The following COL21A1 variants were observed in gnomAD, a reference collection of about 807,000 sequenced individuals.
The protein encoded by COL21A1 is collagen type XXI alpha 1 chain.
Under a neutral mutation model 137.9 loss-of-function variants are expected in COL21A1, and 149 were observed. The observed-to-expected ratio is 1.08, with a 90% CI of 0.95 to 1.24. COL21A1 has a LOEUF of 1.24. COL21A1 is among the 50% of genes most tolerant of loss of function. The pLI is 0.00. For synonymous variants in COL21A1, 456 were observed against 391.5 expected (o/e 1.16, Z -1.95); for missense variants, 1,167 against 1,158.4 (o/e 1.01, Z -0.11).
At chr6:56,097,822 CATATAAATAT>C (rs1769525469) in intron 17 of COL21A1, among the ~76,000 whole-genome samples, 1 of 40,482 alleles carries the variant, frequency 2.5e-5, no homozygotes, top group African/African-American at 1.0e-4. Flanking sequence ...TATATAAATA[CATATAAATAT>C]ATATAAATAT....
At chr6:56,073,452 A>G (rs1766937018) in intron 20 of COL21A1, among the ~76,000 whole-genome samples, 1 of 151,440 alleles carries the variant, frequency 6.6e-6, no homozygotes, top group Admixed American at 6.6e-5. Context: ...AGAGTAGGTC[A>G]TCTACTCATA....
chr6:56,198,275 C>T (rs2152295760), intron 1 of COL21A1, among the ~76,000 whole-genome samples: 1 of 152,112 alleles, frequency 6.6e-6, no homozygotes, highest in Non-Finnish European at 1.5e-5. Context: ...ATGATGAATA[C>T]ATTCTGGAGA....
In COL21A1 at chr6:56,168,187, T is replaced by C; in HGVS notation, c.1137A>G (p.Leu379=). 6.4e-7 allele frequency: 1 copy of C among 1,559,782 alleles called. No homozygotes were observed. The highest frequency in any genetic ancestry group is 8.7e-7 in the Non-Finnish European group (1 of 1,149,440). The change falls in exon 6 of 30, where the codon TTA becomes TTG. Residue 379 remains leucine (L), a synonymous_variant. Coordinates refer to ENST00000244728, the MANE Select transcript of COL21A1 (RefSeq NM_030820.4). ...GGGTTTGCCCATTGATCAAGATCCC[T>C]AAAACTGGATGTAAGGGCTTGTTTT... ...QIENKPLHPV[L]GILINGQTQI...
At chr6:56,101,365 A>C in intron 17 of COL21A1, 107 bp downstream of exon 17, 1 of 805,224 alleles carries the variant, frequency 1.2e-6, no homozygotes. Context: ...TCTGGAAGTC[A>C]CTGAACAAAT....
chr6:56,352,310 A>G (rs1023020270), intron 1 of COL21A1, among the ~76,000 whole-genome samples: 1 of 152,136 alleles, frequency 6.6e-6, no homozygotes, highest in Non-Finnish European at 1.5e-5. Context: ...TGTAGTCCAC[A>G]TAGTCGGTCT....
intron 1 of COL21A1, among the ~76,000 whole-genome samples, chr6:56,254,852 C>T (rs1245877605): frequency 6.6e-6 from 1 of 152,150 alleles, no homozygotes; most frequent in Non-Finnish European, 1.5e-5. Context: ...AGACATCCCA[C>T]AGTATGCTGC....
intron 3 of COL21A1, among the ~76,000 whole-genome samples, chr6:56,174,186 A>G (rs1438607327): frequency 6.6e-6 from 1 of 152,162 alleles, no homozygotes; most frequent in African/African-American, 2.4e-5. Context: ...CAGTACTAAG[A>G]GAGAAGTTTA....
chr6:56,094,333 C>T (rs756680224), intron 17 of COL21A1, among the ~76,000 whole-genome samples: 13 of 152,254 alleles, frequency 8.5e-5, no homozygotes, highest in Middle Eastern at 3.4e-3. Context: ...TTCCTCTTTC[C>T]TCCTTTATCA....
intron 16 of COL21A1, among the ~76,000 whole-genome samples, chr6:56,107,717 A>G (rs1771074329): frequency 6.6e-6 from 1 of 152,118 alleles, no homozygotes. Context: ...AAAGTGTAGA[A>G]AAACATACTA....
chr6:56,289,413 C>T (rs4596476), intron 1 of COL21A1, among the ~76,000 whole-genome samples: 21,818 of 152,110 alleles, frequency 0.14, 3,780 homozygotes, highest in African/African-American at 0.42. Flanking sequence ...CAGTTAATTT[C>T]CAGCACCTAT....
intron 16 of COL21A1, among the ~76,000 whole-genome samples, chr6:56,120,202 A>G (rs1582407617): frequency 6.6e-6 from 1 of 152,116 alleles, no homozygotes; most frequent in African/African-American, 2.4e-5. Flanking sequence ...GACTCTGTAG[A>G]AAAAAAATCC....
intron 1 of COL21A1, among the ~76,000 whole-genome samples, chr6:56,220,464 T>A (rs1482780636): frequency 6.6e-6 from 1 of 152,194 alleles, no homozygotes; most frequent in African/African-American, 2.4e-5. Context: ...TTATTTGGTG[T>A]CATTCTCACC....
intron 1 of COL21A1, among the ~76,000 whole-genome samples, chr6:56,201,329 T>C (rs1268062733): frequency 6.6e-6 from 1 of 152,224 alleles, no homozygotes; most frequent in Non-Finnish European, 1.5e-5. Flanking sequence ...TTTGTCAATT[T>C]TGGCTTTTGT....
chr6:56,346,070 A>G (rs1765590758), intron 1 of COL21A1, among the ~76,000 whole-genome samples: 1 of 152,206 alleles, frequency 6.6e-6, no homozygotes, highest in African/African-American at 2.4e-5. Context: ...TATTTTTTAA[A>G]TTATAATTTA....
chr6:56,137,428 C>T (rs997719502), intron 12 of COL21A1, among the ~76,000 whole-genome samples: 13 of 152,112 alleles, frequency 8.5e-5, no homozygotes, highest in African/African-American at 3.1e-4. Flanking sequence ...AACACAAATC[C>T]TAAGTCTTAC....
chr6:56,070,724 T>C (rs759467712), intron 21 of COL21A1, 21 bp downstream of exon 21: 1 of 1,536,976 alleles, frequency 6.5e-7, no homozygotes, highest in South Asian at 1.2e-5. Context: ...TTGAAAATAT[T>C]TTCAAATGCA....
chr6:56,188,572 A>G lies in COL21A1; in HGVS notation c.-38-5916T>C, dbSNP rs114978792. On this transcript the variant is annotated intron_variant, in intron 1 of 29. Transcript: ENST00000244728. ...TGTGGGCACAGCTTCAGCAGACTTA[A>G]ATTTCCCTGCCTGACGGCTCTGAAG... Among the ~76,000 whole-genome samples, 1,248 of 152,226 alleles carry G rather than the reference A, an allele frequency of 8.2e-3. 20 individuals carry two copies. Among genetic ancestry groups the G allele is most frequent in the African/African-American group, 0.029 (1,204 of 41,526 alleles).
chr6:56,179,849 C>T lies in COL21A1; in HGVS notation c.369G>A (p.Ala123=), dbSNP rs776192714. The change falls in exon 3 of 30, where the codon GCG becomes GCA. Residue 123 remains alanine (A), a synonymous_variant. Transcript: ENST00000244728. Reference sequence around the variant, plus strand: ...AGGACTTGGCAAAAAGGTAATCGAGCGCAAACTGGATGGCCTTCCCTGTCT... The same window carrying T: ...AGGACTTGGCAAAAAGGTAATCGAGTGCAAACTGGATGGCCTTCCCTGTCT... The part of the protein sequence containing the change: ...NTKTGKAIQF[A]LDYLFAKSSR... The T allele has an allele frequency of 6.8e-6, 11 of 1,613,904 alleles. No homozygotes were observed. Among genetic ancestry groups the T allele is most frequent in the Middle Eastern group, 3.3e-4 (2 of 6,062 alleles).
chr6:56,360,286 A>T (rs1312085390), intron 1 of COL21A1, among the ~76,000 whole-genome samples: 3 of 152,238 alleles, frequency 2.0e-5, no homozygotes, highest in African/African-American at 7.2e-5. Flanking sequence ...GATGTGGACC[A>T]CTTTGAAGGT....
Sources: allele counts gnomAD v4.1 joint callset (sites outside exome capture counted in the v4.1 genomes callset), GRCh38; gene constraint gnomAD v4.1.1; transcripts MANE v1.5; gene names NCBI Gene and HGNC (gene_info 2026-07-23, HGNC 2026-07-21).